GPRC5A: variants seen among roughly 807,000 people sequenced by gnomAD.
GPRC5A encodes the protein retinoic acid-induced protein 3.
A neutral mutation model predicts 22.5 loss-of-function variants in GPRC5A; 19 were observed. That is an observed-to-expected ratio of 0.85 (90% CI 0.59 to 1.24). GPRC5A has a LOEUF of 1.24. Ranked by LOEUF, GPRC5A falls within the 50% of genes most tolerant of loss-of-function variation. GPRC5A has a pLI of 0.00. For synonymous variants in GPRC5A, 192 were observed against 184.5 expected (o/e 1.04, Z -0.33); for missense variants, 471 against 451.1 (o/e 1.04, Z -0.40).
intron 1 of GPRC5A, among the ~76,000 whole-genome samples, chr12:12,907,059 A>G (rs1863949198): frequency 6.6e-6 from 1 of 151,328 alleles, no homozygotes; most frequent in East Asian, 1.9e-4. Flanking sequence ...CGTCTAAAAA[A>G]AAAAAAACAA....
At chr12:12,897,609 C>CA (rs1863836284) in intron 1 of GPRC5A, among the ~76,000 whole-genome samples, 2 of 134,128 alleles carry the variant, frequency 1.5e-5, no homozygotes, top group African/African-American at 5.5e-5. Flanking sequence ...GAATACGCTT[C>CA]TTTTTTTTTT....
intron 1 of GPRC5A, among the ~76,000 whole-genome samples, chr12:12,907,067 C>A (rs1247473337): frequency 1.8e-4 from 25 of 137,948 alleles, no homozygotes; most frequent in Non-Finnish European, 2.9e-4. Context: ...AAAAAAAAAA[C>A]AAAAACTCAA....
At chr12:12,904,884 GT>G (rs146219111) in intron 1 of GPRC5A, among the ~76,000 whole-genome samples, 6,422 of 126,904 alleles carry the variant, frequency 0.051, 226 homozygotes, top group African/African-American at 0.18. Context: ...AAATTTTGTG[GT>G]TTTTTTTTTT....
chr12:12,900,916 A>C (rs202051507), intron 1 of GPRC5A, among the ~76,000 whole-genome samples: 4 of 138,400 alleles, frequency 2.9e-5, no homozygotes, highest in East Asian at 6.2e-4. Flanking sequence ...AAAAAAAACA[A>C]AAAAAAAACA....
Position 12,908,463 on chromosome 12 carries a change from C to T in GPRC5A, c.214C>T (p.Leu72Phe). Residue 72 changes from leucine to phenylalanine, a missense_variant, in exon 2 of 4, where the codon CTC (leucine) becomes TTC (phenylalanine). Coordinates refer to ENST00000014914, the MANE Select transcript of GPRC5A (RefSeq NM_003979.4). ...RKMLPTQFLF[L>F]LGVLGIFGLT... Reference sequence around the variant, plus strand: ...AATGCTGCCTACTCAGTTTCTCTTCCTCCTGGGTGTGTTGGGCATCTTTGG... The same window carrying T: ...AATGCTGCCTACTCAGTTTCTCTTCTTCCTGGGTGTGTTGGGCATCTTTGG... 6.2e-7 allele frequency: 1 copy of T among 1,614,048 alleles called. No homozygotes were observed. Among genetic ancestry groups the T allele is most frequent in the Non-Finnish European group, 8.5e-7 (1 of 1,179,960 alleles).
chr12:12,897,537 A>C (rs1204471827), intron 1 of GPRC5A, among the ~76,000 whole-genome samples: 1 of 151,854 alleles, frequency 6.6e-6, no homozygotes, highest in Non-Finnish European at 1.5e-5. Flanking sequence ...GGGAGGACTA[A>C]TTGGAGAAAG....
rs756962331 is a variant in GPRC5A, at chr12:12,908,552, T to TGAA, written c.304_305insAAG (p.Phe101_Gly102insGlu). ...CAGGGCCCACACGCTTCTTCCTCTT[T>TGAA]GGGATCCTCTTTTCCATCTGCTTCT... On this transcript the variant is annotated inframe_insertion, in exon 2 of 4. Transcript: ENST00000014914. 1 of 1,614,164 alleles carries TGAA rather than the reference T, an allele frequency of 6.2e-7. No homozygotes were observed. The highest frequency in any genetic ancestry group is 1.1e-5 in the South Asian group (1 of 91,078).
At position 12,913,289 on chromosome 12, in the gene GPRC5A, GGCCTCA is replaced by G. The variant is rs1864026862; in HGVS notation, c.*753_*758del. 1.3e-5 allele frequency: 2 copies of G among 152,802 alleles called. No homozygotes were observed. Among genetic ancestry groups the G allele is most frequent in the South Asian group, 4.2e-4 (2 of 4,818 alleles). 9.5% of individuals were successfully genotyped at this position (152,802 alleles called of 1,614,324 possible). A position where few individuals can be genotyped will look rare whatever the true frequency, so the allele number is the denominator to read the frequency against. ...ATCTCTCTAGTGCTGCCTCACATTG[GGCCTCA>G]GCAGCTCCCCAGCACCAATTCACAG... On this transcript the variant is annotated 3_prime_UTR_variant, in exon 4 of 4. Transcript: ENST00000014914.
At chr12:12,912,267 T>G in intron 3 of GPRC5A, 125 bp downstream of exon 3, 1 of 880,540 alleles carries the variant, frequency 1.1e-6, no homozygotes, top group Non-Finnish European at 1.9e-6. Flanking sequence ...ATGATGGGTC[T>G]TCTTTCCTCT....
intron 2 of GPRC5A, 134 bp from the exon 3 acceptor site, chr12:12,911,950 C>T (rs925795832): frequency 3.1e-6 from 2 of 645,532 alleles, no homozygotes; most frequent in Admixed American, 5.4e-5. Context: ...GTCTCTGTCC[C>T]TCCAAGAAAC....
chr12:12,903,629 C>G (rs190299391), intron 1 of GPRC5A, among the ~76,000 whole-genome samples: 11 of 152,316 alleles, frequency 7.2e-5, no homozygotes, highest in African/African-American at 2.6e-4. Flanking sequence ...TTTCTCCATT[C>G]CCTGTTGCAT....
At chr12:12,902,533 G>C (rs144351100) in intron 1 of GPRC5A, among the ~76,000 whole-genome samples, 1,544 of 151,032 alleles carry the variant, frequency 0.01, 26 homozygotes, top group African/African-American at 0.036. Flanking sequence ...GAGGCCGAGA[G>C]GGGGAGGATC....
chr12:12,898,405 G>C (rs539812633), intron 1 of GPRC5A, among the ~76,000 whole-genome samples: 5 of 151,882 alleles, frequency 3.3e-5, no homozygotes, highest in African/African-American at 1.2e-4. Context: ...GTGGTGGTGC[G>C]CACCTGTCCC....
At position 12,916,821 on chromosome 12, in the gene GPRC5A, T is replaced by A. The variant is rs572687297; in HGVS notation, c.*4282T>A. 6.6e-6 allele frequency: 1 copy of A among 152,330 alleles called. No homozygotes were observed. Among genetic ancestry groups the A allele is most frequent in the Admixed American group, 6.5e-5 (1 of 15,292 alleles). 9.4% of individuals were successfully genotyped at this position (152,330 alleles called of 1,614,324 possible). The stretch of plus-strand genomic sequence containing the variant: ...CAAAGAGTACGGCCGGCCCTGGAAA[T>A]GCATCAGCAAAACCCATTTCCCCCG... On this transcript the variant is annotated 3_prime_UTR_variant, in exon 4 of 4. Coordinates refer to ENST00000014914, the MANE Select transcript of GPRC5A (RefSeq NM_003979.4).
intron 1 of GPRC5A, among the ~76,000 whole-genome samples, chr12:12,896,645 T>G (rs1863825197): frequency 6.6e-6 from 1 of 152,172 alleles, no homozygotes; most frequent in African/African-American, 2.4e-5. Flanking sequence ...TCAGTCTTAG[T>G]CCAAAGCATT....
chr12:12,901,842 T>C (rs977922144), intron 1 of GPRC5A, among the ~76,000 whole-genome samples: 4 of 151,928 alleles, frequency 2.6e-5, no homozygotes, highest in Non-Finnish European at 5.9e-5. Context: ...TTGGTTTTTA[T>C]AGGAGCAAGT....
At chr12:12,907,858 A>G (rs1414919899) in intron 1 of GPRC5A, among the ~76,000 whole-genome samples, 1 of 152,146 alleles carries the variant, frequency 6.6e-6, no homozygotes, top group Non-Finnish European at 1.5e-5. Context: ...AACTTCAGAG[A>G]GCAAATGATC....
chr12:12,906,031 G>A (rs1863938355), intron 1 of GPRC5A, among the ~76,000 whole-genome samples: 1 of 152,024 alleles, frequency 6.6e-6, no homozygotes, highest in South Asian at 2.1e-4. Context: ...AGAGAGAGAA[G>A]GATATCTCAG....
Position 12,912,649 on chromosome 12 carries a change from G to C in GPRC5A, c.*110G>C, listed in dbSNP as rs575847254. On this transcript the variant is annotated 3_prime_UTR_variant, in exon 4 of 4. Coordinates refer to ENST00000014914, the MANE Select transcript of GPRC5A (RefSeq NM_003979.4). Reference sequence around the variant, plus strand: ...CTGAGAAAACTGTACAAGACACTACGGGAACAGTTTGCCTCCCTCCCAGCC... The same window carrying C: ...CTGAGAAAACTGTACAAGACACTACCGGAACAGTTTGCCTCCCTCCCAGCC... 4.3e-6 allele frequency: 3 copies of C among 704,668 alleles called. No homozygotes were observed. Among genetic ancestry groups the C allele is most frequent in the African/African-American group, 1.8e-5 (1 of 56,880 alleles). The allele number at this position is 704,668 out of a possible 1,614,324, so 43.7% of individuals were successfully genotyped here.
Sources: gnomAD v4.1 joint callset for allele counts (sites outside exome capture counted in the v4.1 genomes callset) on GRCh38, gnomAD v4.1.1 for gene constraint, MANE v1.5 for transcripts, NCBI Gene and HGNC (gene_info 2026-07-23, HGNC 2026-07-21) for gene names.